The following SCOC variants were observed in gnomAD, a reference collection of about 807,000 sequenced individuals.
The protein encoded by SCOC is short coiled coil protein.
In SCOC, 7 loss-of-function variants were observed where a neutral mutation model predicts 9.9. The observed-to-expected ratio is 0.71, with a 90% CI of 0.40 to 1.33. The LOEUF is 1.33. Among genes scored for constraint, SCOC ranks in the 40% most tolerant of loss-of-function variants. The pLI is 0.01. For missense variants in SCOC, 66 were observed against 89.7 expected, an observed-to-expected ratio of 0.74 and a Z score of 1.07; for synonymous variants, 19 against 28.2, an observed-to-expected ratio of 0.67 and a Z score of 1.03.
intron 1 of SCOC, among the ~76,000 whole-genome samples, chr4:140,276,798 G>GT (rs1730995050): frequency 6.6e-6 from 1 of 152,078 alleles, no homozygotes. Context: ...ATGTCTGGGA[G>GT]TCCCCTTAGT....
chr4:140,373,445 T>A, upstream of SCOC: 2 of 1,519,280 alleles, frequency 1.3e-6, no homozygotes, highest in Non-Finnish European at 1.8e-6. Context: ...CACAGCGACC[T>A]CAATCCTGAT....
chr4:140,359,854 G>C (rs1727386511), intron 2 of SCOC, among the ~76,000 whole-genome samples: 2 of 152,308 alleles, frequency 1.3e-5, no homozygotes, highest in Admixed American at 1.3e-4. Context: ...ACAATAGTGA[G>C]GGATAGGACA....
intron 2 of SCOC, among the ~76,000 whole-genome samples, chr4:140,353,434 C>T (rs1315948887): frequency 4.1e-5 from 6 of 145,604 alleles, no homozygotes; most frequent in Admixed American, 2.1e-4. Context: ...TTTTTTGAGA[C>T]GAAGTCTCTC....
chr4:140,368,484 A>G (rs549296123), intron 2 of SCOC, among the ~76,000 whole-genome samples: 1 of 152,348 alleles, frequency 6.6e-6, no homozygotes, highest in East Asian at 1.9e-4. Context: ...TACTATCTAG[A>G]GAAAAATAAG....
At chr4:140,280,861 C>T (rs1377618486) in intron 1 of SCOC, among the ~76,000 whole-genome samples, 1 of 152,130 alleles carries the variant, frequency 6.6e-6, no homozygotes, top group African/African-American at 2.4e-5. Context: ...GAACCCCTCA[C>T]ATGGATGTGG....
chr4:140,295,668 G>A (rs1270744246), intron 1 of SCOC, among the ~76,000 whole-genome samples: 6 of 152,184 alleles, frequency 3.9e-5, no homozygotes, highest in Admixed American at 3.9e-4. Context: ...AGCGAAGGGC[G>A]CGGTGGCTCA....
intron 1 of SCOC, among the ~76,000 whole-genome samples, chr4:140,308,826 G>A (rs759905431): frequency 5.9e-5 from 9 of 152,204 alleles, no homozygotes; most frequent in Non-Finnish European, 1.3e-4. Flanking sequence ...GTGTGGAGAA[G>A]GGGCATGCAG....
rs1728669087 is a variant in SCOC at position 140,385,580 on chromosome 4, C to G, written c.*4476C>G. The G allele has an allele frequency of 6.6e-6, 1 of 152,122 alleles. No homozygotes were observed. Among genetic ancestry groups the G allele is most frequent in the Admixed American group, 6.5e-5 (1 of 15,274 alleles). 9.4% of individuals were successfully genotyped at this position (152,122 alleles called of 1,614,324 possible). ...ACATCTCTATTCCTGTCACCCTTCCCTGTGATCTAGTCCCTTTTGTAAGAG... is the reference window on the plus strand; with the variant it reads ...ACATCTCTATTCCTGTCACCCTTCCGTGTGATCTAGTCCCTTTTGTAAGAG... On this transcript the variant is annotated 3_prime_UTR_variant, in exon 4 of 4. Transcript: ENST00000608372.
chr4:140,380,660 G>A (rs562555025), intron 3 of SCOC, among the ~76,000 whole-genome samples: 2 of 152,134 alleles, frequency 1.3e-5, no homozygotes, highest in African/African-American at 4.8e-5. Flanking sequence ...TAGTAAAGAT[G>A]TTATAGTTTT....
intron 1 of SCOC, among the ~76,000 whole-genome samples, chr4:140,288,193 T>G (rs1053090033): frequency 6.6e-6 from 1 of 151,932 alleles, no homozygotes; most frequent in Admixed American, 6.6e-5. Context: ...AAAAATGACC[T>G]ACACCACACA....
At chr4:140,346,981 G>A (rs554780373) in intron 2 of SCOC, among the ~76,000 whole-genome samples, 1 of 152,226 alleles carries the variant, frequency 6.6e-6, no homozygotes, top group Non-Finnish European at 1.5e-5. Context: ...TGGGTTTTCT[G>A]CAATTGCTGT....
Position 140,343,615 on chromosome 4 carries a change from T to C in SCOC, c.-18-6T>C, listed in dbSNP as rs765730364. 5 of 1,600,746 alleles carry C rather than the reference T, an allele frequency of 3.1e-6. No homozygotes were observed. The African/African-American group carries it at 6.7e-5, about 21-fold the overall frequency. On this transcript the variant is annotated splice_polypyrimidine_tract_variant and splice_region_variant and intron_variant, in intron 1 of 4. Transcript: ENST00000338517. ...TTTTCTCTGCCCTCATTTTTCTTAC[T>C]AACAGGTCTGAAAATTGAACAAGAT...
At chr4:140,370,953 C>A (rs1020727824), upstream of SCOC, among the ~76,000 whole-genome samples, 4 of 151,342 alleles carry the variant, frequency 2.6e-5, no homozygotes, top group East Asian at 7.8e-4. Flanking sequence ...TGCAGTGGCA[C>A]CATGTCACTG....
At chr4:140,313,187 T>C (rs1233441449) in intron 1 of SCOC, among the ~76,000 whole-genome samples, 1 of 152,222 alleles carries the variant, frequency 6.6e-6, no homozygotes, top group African/African-American at 2.4e-5. Context: ...ACCGAACAAA[T>C]AAACTAAAAG....
intron 1 of SCOC, among the ~76,000 whole-genome samples, chr4:140,270,874 C>T (rs539824182): frequency 6.6e-6 from 1 of 152,222 alleles, no homozygotes; most frequent in South Asian, 2.1e-4. Context: ...TACAATTACC[C>T]TATATTTCAG....
chr4:140,360,708 T>G (rs1727426900), intron 2 of SCOC: 1 of 152,244 alleles, frequency 6.6e-6, no homozygotes, highest in African/African-American at 2.4e-5. Context: ...ATTCAGCCAA[T>G]GTCTGTGGAC....
chr4:140,360,859 C>A (rs770598455), intron 2 of SCOC: 1 of 152,142 alleles, frequency 6.6e-6, no homozygotes, highest in Admixed American at 6.5e-5. Flanking sequence ...TATTAATGGC[C>A]ATTGACTTCT....
intron 1 of SCOC, among the ~76,000 whole-genome samples, chr4:140,288,152 T>A (rs1366389010): frequency 6.6e-6 from 1 of 151,902 alleles, no homozygotes; most frequent in African/African-American, 2.4e-5. Flanking sequence ...CTTTTATGTA[T>A]AGATACCACA....
intron 1 of SCOC, among the ~76,000 whole-genome samples, chr4:140,285,675 G>A (rs1183433309): frequency 2.6e-5 from 4 of 152,318 alleles, no homozygotes; most frequent in Middle Eastern, 3.4e-3. Flanking sequence ...CATTTCTCTT[G>A]TAATACAGGC....
Sources: allele counts gnomAD v4.1 joint callset (sites outside exome capture counted in the v4.1 genomes callset), GRCh38; gene constraint gnomAD v4.1.1; transcripts MANE v1.5; gene names NCBI Gene and HGNC (gene_info 2026-07-23, HGNC 2026-07-21).